GABRB1: variants seen among roughly 807,000 people sequenced by gnomAD.
The protein encoded by GABRB1 is gamma-aminobutyric acid receptor subunit beta-1.
Under a neutral mutation model 51.6 loss-of-function variants are expected in GABRB1, and 17 were observed. The observed-to-expected ratio is 0.33, with a 90% confidence interval of 0.23 to 0.49. The LOEUF is 0.49. GABRB1 is among the 20% of genes least tolerant of loss of function. GABRB1 has a pLI of 0.99. For missense variants in GABRB1, 410 were observed against 600.6 expected, an observed-to-expected ratio of 0.68 and a Z score of 3.32; for synonymous variants, 247 against 218.9, an observed-to-expected ratio of 1.13 and a Z score of -1.14.
chr4:47,155,915 T>TTATATATATATATA (rs1577958436), intron 3 of GABRB1, among the ~76,000 whole-genome samples: 4 of 28,446 alleles, frequency 1.4e-4, no homozygotes, highest in Non-Finnish European at 2.1e-4. Context: ...AGAGGTATTT[T>TTATATATATATATA]CATATATATA....
rs1553918986 is a variant in GABRB1 at position 47,145,065 on chromosome 4, C to G, written c.241-16184C>G. On this transcript the variant is annotated intron_variant, in intron 3 of 8. Coordinates refer to ENST00000295454, the MANE Select transcript of GABRB1 (RefSeq NM_000812.4). ...TAAGTAGAATTTTGACCTTCAAGAA[C>G]AGAAAAAAAAATACAACCTAAAAGA... 2.0e-5 allele frequency among the ~76,000 whole-genome samples: 3 copies of G among 150,176 alleles called. No homozygotes were observed. In the South Asian group the frequency reaches 6.3e-4, roughly 32 times the overall value.
At chr4:47,081,660 A>T (rs553132926) in intron 3 of GABRB1, among the ~76,000 whole-genome samples, 5 of 152,176 alleles carry the variant, frequency 3.3e-5, no homozygotes, top group Admixed American at 2.0e-4. Context: ...CAAGTTTAAT[A>T]TGTTTTTATG....
At chr4:47,371,495 T>C (rs1486046406) in intron 5 of GABRB1, among the ~76,000 whole-genome samples, 1 of 152,230 alleles carries the variant, frequency 6.6e-6, no homozygotes, top group Non-Finnish European at 1.5e-5. Context: ...TGCCTCTAGA[T>C]CTTGCAGAAA....
intron 3 of GABRB1, chr4:47,032,855 G>A: frequency 2.4e-6 from 1 of 417,120 alleles, no homozygotes; most frequent in South Asian, 1.8e-5. Context: ...CCGGACCGGT[G>A]GTCGGCAGCC....
intron 3 of GABRB1, among the ~76,000 whole-genome samples, chr4:47,069,231 CTCTT>C (rs1261629512): frequency 6.6e-6 from 1 of 152,136 alleles, no homozygotes; most frequent in Non-Finnish European, 1.5e-5. Flanking sequence ...TTGTCATAAA[CTCTT>C]TCTTCCCTGA....
chr4:47,294,896 C>G (rs1723910119), intron 4 of GABRB1, among the ~76,000 whole-genome samples: 1 of 152,178 alleles, frequency 6.6e-6, no homozygotes, highest in South Asian at 2.1e-4. Context: ...GCCGGGTACT[C>G]CTCTGAGACA....
chr4:47,334,426 G>A (rs914050068), intron 5 of GABRB1, among the ~76,000 whole-genome samples: 2 of 152,032 alleles, frequency 1.3e-5, no homozygotes, highest in African/African-American at 2.4e-5. Context: ...AGGCAGAAAA[G>A]TCTTTTTCAA....
At chr4:47,227,398 T>G (rs564967983) in intron 4 of GABRB1, among the ~76,000 whole-genome samples, 1 of 152,262 alleles carries the variant, frequency 6.6e-6, no homozygotes, top group African/African-American at 2.4e-5. Flanking sequence ...TACATGTCTC[T>G]TAAGTGTGGG....
intron 1 of GABRB1, among the ~76,000 whole-genome samples, chr4:47,001,791 T>C (rs1004511373): frequency 6.6e-6 from 1 of 152,220 alleles, no homozygotes; most frequent in African/African-American, 2.4e-5. Context: ...AAATCCTAAC[T>C]AATACAGTTG....
chr4:47,296,862 A>G (rs1179961574), intron 4 of GABRB1, among the ~76,000 whole-genome samples: 2 of 152,214 alleles, frequency 1.3e-5, no homozygotes, highest in Admixed American at 6.5e-5. Context: ...GTTGGAAGTA[A>G]AGCTCTCCTC....
chr4:47,334,936 GA>G (rs1165262574), intron 5 of GABRB1, among the ~76,000 whole-genome samples: 1 of 152,156 alleles, frequency 6.6e-6, no homozygotes, highest in Non-Finnish European at 1.5e-5. Context: ...TTAGTGACCT[GA>G]AAACCTATCT....
At position 47,425,898 on chromosome 4, in the gene GABRB1, G is replaced by A. The variant is rs1729275096; in HGVS notation, c.1305G>A (p.Gln435=). ...SKGRIRRRAS[Q]LKVKIPDLTD... ...GGCGCATCCGCAGGCGTGCCTCCCAGCTCAAAGTCAAGATCCCCGACTTGA... is the reference window on the plus strand; with the variant it reads ...GGCGCATCCGCAGGCGTGCCTCCCAACTCAAAGTCAAGATCCCCGACTTGA... Residue 435 remains glutamine, a synonymous_variant, in exon 9 of 9, where the codon CAG becomes CAA. Transcript: ENST00000295454. 1.2e-6 allele frequency: 2 copies of A among 1,613,992 alleles called. No homozygotes were observed. Among genetic ancestry groups the A allele is most frequent in the African/African-American group, 1.3e-5 (1 of 74,948 alleles).
chr4:47,137,375 G>A (rs949114885), intron 3 of GABRB1, among the ~76,000 whole-genome samples: 1 of 152,062 alleles, frequency 6.6e-6, no homozygotes, highest in Non-Finnish European at 1.5e-5. Flanking sequence ...ACCACTTAGA[G>A]GATTGAGGAC....
At chr4:47,139,990 G>T in intron 3 of GABRB1, among the ~76,000 whole-genome samples, 1 of 151,850 alleles carries the variant, frequency 6.6e-6, no homozygotes, top group East Asian at 1.9e-4. Flanking sequence ...AATGAAGATA[G>T]GACAGCAGCG....
At chr4:47,242,815 C>G (rs1339438572) in intron 4 of GABRB1, among the ~76,000 whole-genome samples, 1 of 152,050 alleles carries the variant, frequency 6.6e-6, no homozygotes, top group Non-Finnish European at 1.5e-5. Flanking sequence ...GATTGTAAAA[C>G]TTTTCTCCCA....
chr4:47,230,735 C>T (rs1157624325), intron 4 of GABRB1, among the ~76,000 whole-genome samples: 1 of 152,138 alleles, frequency 6.6e-6, no homozygotes, highest in Admixed American at 6.6e-5. Context: ...AACAGTGGCT[C>T]AAACACTTTC....
At chr4:47,192,086 C>T (rs1344138471) in intron 4 of GABRB1, among the ~76,000 whole-genome samples, 1 of 151,832 alleles carries the variant, frequency 6.6e-6, no homozygotes, top group Non-Finnish European at 1.5e-5. Flanking sequence ...CAAAACAAAA[C>T]AAAACAAAAC....
At chr4:47,383,127 A>G (rs1169403685) in intron 5 of GABRB1, among the ~76,000 whole-genome samples, 2 of 152,186 alleles carry the variant, frequency 1.3e-5, no homozygotes, top group Non-Finnish European at 2.9e-5. Context: ...TTATACAAGA[A>G]AGCATGACAG....
intron 5 of GABRB1, among the ~76,000 whole-genome samples, chr4:47,365,290 C>A (rs1726936243): frequency 6.6e-6 from 1 of 152,212 alleles, no homozygotes. Flanking sequence ...GGCAAAATTC[C>A]AAATGATAGT....
Sources: allele counts gnomAD v4.1 joint callset (sites outside exome capture counted in the v4.1 genomes callset), GRCh38; gene constraint gnomAD v4.1.1; transcripts MANE v1.5; gene names NCBI Gene and HGNC (gene_info 2026-07-23, HGNC 2026-07-21).